The following ETNK1 variants were observed in gnomAD, a reference collection of about 807,000 sequenced individuals.
The protein encoded by ETNK1 is putative protein product of Nbla10396.
A neutral mutation model predicts 45.1 loss-of-function variants in ETNK1; 8 were observed. That is an observed-to-expected ratio of 0.18 (90% confidence interval 0.10 to 0.32). The LOEUF (loss-of-function observed/expected upper bound fraction) is 0.32. Ranked by LOEUF, ETNK1 falls within the 10% of genes least tolerant of loss-of-function variation. The pLI is 1.00. For missense variants in ETNK1, 302 were observed against 430.6 expected (o/e 0.70, Z 2.64); for synonymous variants, 152 against 151.9 (o/e 1.00, Z -0.01).
At chr12:22,673,760 G>T in intron 6 of ETNK1, 100 bp downstream of exon 6, 1 of 1,197,096 alleles carries the variant, frequency 8.4e-7, no homozygotes, top group Non-Finnish European at 1.2e-6. Flanking sequence ...TAAGTTTTGT[G>T]AATTTTTGTT....
chr12:22,662,655 C>T (rs1397937657), intron 4 of ETNK1, among the ~76,000 whole-genome samples: 1 of 152,052 alleles, frequency 6.6e-6, no homozygotes, highest in Non-Finnish European at 1.5e-5. Flanking sequence ...GCCTTGGCCT[C>T]CTAAAGTGCT....
intron 2 of ETNK1, among the ~76,000 whole-genome samples, chr12:22,651,686 T>C (rs1198513215): frequency 4.3e-4 from 56 of 131,304 alleles, no homozygotes; most frequent in Admixed American, 5.0e-4. Flanking sequence ...CTATCCCTTT[T>C]TTTTTTTTTT....
At chr12:22,644,050 T>G in intron 2 of ETNK1, 28 bp downstream of exon 2, 2 of 1,419,736 alleles carry the variant, frequency 1.4e-6, no homozygotes, top group Non-Finnish European at 1.8e-6. Context: ...AATTTTTCCT[T>G]TTGAAAAATA....
At chr12:22,659,300 CAGAT>C in intron 3 of ETNK1, 146 bp downstream of exon 3, 1 of 833,826 alleles carries the variant, frequency 1.2e-6, no homozygotes, top group Non-Finnish European at 1.8e-6. Flanking sequence ...CTTTGGCTGT[CAGAT>C]AGCACTACAG....
intron 2 of ETNK1, 66 bp from the exon 3 acceptor site, chr12:22,658,948 T>C: frequency 6.6e-7 from 1 of 1,508,890 alleles, no homozygotes; most frequent in Non-Finnish European, 9.0e-7. Flanking sequence ...ATCAAGAATC[T>C]TTGTCAGGAG....
chr12:22,687,642 G>A lies in ETNK1; in HGVS notation c.*2688G>A, dbSNP rs1954271828. 1 of 152,026 alleles carries A rather than the reference G, an allele frequency of 6.6e-6. No homozygotes were observed. The highest frequency in any genetic ancestry group is 2.4e-5 in the African/African-American group (1 of 41,322). The allele number at this position is 152,026 out of a possible 1,614,324, so 9.4% of individuals were successfully genotyped here. ...CATTTTCTGGAAATCAAAGAGATGT[G>A]GTAGTAAATCATACAGTACACACGA... On this transcript the variant is annotated 3_prime_UTR_variant, in exon 8 of 8. Transcript: ENST00000266517.
chr12:22,657,210 G>T (rs1277532287), intron 2 of ETNK1, among the ~76,000 whole-genome samples: 1 of 151,988 alleles, frequency 6.6e-6, no homozygotes, highest in Non-Finnish European at 1.5e-5. Context: ...TCTTAGGGAA[G>T]GTCATTCAAA....
chr12:22,667,476 T>G (rs1312154972), intron 4 of ETNK1, among the ~76,000 whole-genome samples: 1 of 152,164 alleles, frequency 6.6e-6, no homozygotes, highest in African/African-American at 2.4e-5. Flanking sequence ...GTCCAATCAC[T>G]GAACAGATAC....
chr12:22,656,564 C>T (rs1407434949), intron 2 of ETNK1: 1 of 985,252 alleles, frequency 1.0e-6, no homozygotes, highest in Non-Finnish European at 1.2e-6. Flanking sequence ...GCCGAGCCCT[C>T]CAGTGACATG....
intron 1 of ETNK1, among the ~76,000 whole-genome samples, chr12:22,642,704 T>C (rs1953754903): frequency 6.6e-6 from 1 of 152,088 alleles, no homozygotes; most frequent in African/African-American, 2.4e-5. Flanking sequence ...ATACATACTT[T>C]TAAAACTTCT....
chr12:22,664,175 T>A (rs987396891), intron 4 of ETNK1, among the ~76,000 whole-genome samples: 1 of 151,958 alleles, frequency 6.6e-6, no homozygotes, highest in Non-Finnish European at 1.5e-5. Flanking sequence ...TTAATAAATT[T>A]AATAGTCAAA....
At chr12:22,678,058 C>T (rs1954177725) in intron 6 of ETNK1, among the ~76,000 whole-genome samples, 2 of 152,154 alleles carry the variant, frequency 1.3e-5, no homozygotes, top group African/African-American at 4.8e-5. Flanking sequence ...CTTCTTTTGA[C>T]ATATCTTCTT....
chr12:22,673,451 A>C, intron 5 of ETNK1, 49 bp from the exon 6 acceptor site: 1 of 1,450,164 alleles, frequency 6.9e-7, no homozygotes, highest in South Asian at 1.4e-5. Context: ...AGGTATGCAG[A>C]AGAGTTTATG....
intron 1 of ETNK1, chr12:22,626,037 TCA>T: frequency 2.7e-6 from 1 of 369,670 alleles, no homozygotes; most frequent in Non-Finnish European, 5.3e-6. Context: ...CATTGATGCC[TCA>T]CACTGCGTTT....
chr12:22,646,781 T>G (rs529007954), intron 2 of ETNK1, among the ~76,000 whole-genome samples: 1 of 151,968 alleles, frequency 6.6e-6, no homozygotes, highest in East Asian at 1.9e-4. Context: ...AAAAGGCTTA[T>G]GTTTATGTTT....
chr12:22,635,289 AG>A, intron 1 of ETNK1, among the ~76,000 whole-genome samples: 2 of 152,308 alleles, frequency 1.3e-5, no homozygotes, highest in East Asian at 3.9e-4. Flanking sequence ...CCCATTGGGA[AG>A]GGGATGGAGG....
rs1423898102 is a variant in ETNK1, at chr12:22,684,331, A to G, written c.946-152A>G. 3.7e-5 allele frequency: 22 copies of G among 587,676 alleles called. No homozygotes were observed. In the Admixed American group the frequency reaches 6.8e-4, roughly 18 times the overall value. The allele number at this position is 587,676 out of a possible 1,614,324, so 36.4% of individuals were successfully genotyped here. A position where few individuals can be genotyped will look rare whatever the true frequency, so the allele number is the denominator to read the frequency against. ...TAGCCATCTAGTGGGTGCAGACGTC[A>G]GTAGGATCTAGGTTTTAGACGCTTT... On this transcript the variant is annotated intron_variant, in intron 6 of 7. Coordinates refer to ENST00000266517, the MANE Select transcript of ETNK1 (RefSeq NM_018638.5).
chr12:22,668,071 C>T (rs1378334112), intron 4 of ETNK1, among the ~76,000 whole-genome samples: 1 of 152,120 alleles, frequency 6.6e-6, no homozygotes, highest in East Asian at 1.9e-4. Flanking sequence ...AATAACACAC[C>T]TAGCCCTTAA....
chr12:22,682,602 A>G (rs1461960036), intron 6 of ETNK1, among the ~76,000 whole-genome samples: 1 of 152,158 alleles, frequency 6.6e-6, no homozygotes, highest in Non-Finnish European at 1.5e-5. Flanking sequence ...ACTCCAGGGT[A>G]GAGATTTAAT....
Sources: allele counts gnomAD v4.1 joint callset (sites outside exome capture counted in the v4.1 genomes callset), GRCh38; gene constraint gnomAD v4.1.1; transcripts MANE v1.5; gene names NCBI Gene and HGNC (gene_info 2026-07-23, HGNC 2026-07-21).